DHRS3: variants seen among roughly 807,000 people sequenced by gnomAD.
DHRS3 encodes the protein dehydrogenase/reductase 3.
DHRS3 carries 14 observed loss-of-function variants against 27.2 expected under a neutral mutation model. The ratio of observed to expected loss-of-function variants is 0.52; its 90% CI spans 0.34 to 0.81. DHRS3 has a LOEUF of 0.81. Among genes scored for constraint, DHRS3 ranks in the 30% least tolerant of loss-of-function variants. The probability of loss-of-function intolerance (pLI) is 0.01; values close to 1 mark genes in which losing one functional copy is unlikely to be tolerated. For missense variants in DHRS3, 322 were observed against 406.2 expected, an observed-to-expected ratio of 0.79 and a Z score of 1.78; for synonymous variants, 165 against 175.9, an observed-to-expected ratio of 0.94 and a Z score of 0.49.
chr1:12,594,699 T>C lies in DHRS3; in HGVS notation c.196-14033A>G, dbSNP rs1198135982. Reference sequence around the variant, plus strand: ...TGGTGCAAAGGCCCTGGGGTGGGAATGAGCTTCCCCAGCACGGAGACCAGT... The same window carrying C: ...TGGTGCAAAGGCCCTGGGGTGGGAACGAGCTTCCCCAGCACGGAGACCAGT... On this transcript the variant is annotated intron_variant, in intron 1 of 5. Coordinates refer to ENST00000616661, the MANE Select transcript of DHRS3 (RefSeq NM_004753.7). The surrounding 1 kb of genome is among the most constrained non-coding windows in gnomAD (Gnocchi z 4.1). Among the ~76,000 whole-genome samples, 1 of 151,988 alleles carries C rather than the reference T, an allele frequency of 6.6e-6. No individual in the cohort carries two copies. The highest frequency in any genetic ancestry group is 1.9e-4 in the East Asian group (1 of 5,186).
intron 4 of DHRS3, 132 bp from the exon 5 acceptor site, chr1:12,572,985 T>A: frequency 8.7e-7 from 1 of 1,149,720 alleles, no homozygotes. Flanking sequence ...CTGCTTGGAA[T>A]ACTCCCTCTA....
At chr1:12,568,920 C>T (rs1195629475) in intron 5 of DHRS3, among the ~76,000 whole-genome samples, 1 of 151,932 alleles carries the variant, frequency 6.6e-6, no homozygotes, top group Non-Finnish European at 1.5e-5. Flanking sequence ...GAGCCAGACC[C>T]TGTCTCAAAA....
intron 2 of DHRS3, 191 bp downstream of exon 2, chr1:12,580,332 G>T (rs940260141): frequency 1.4e-6 from 1 of 689,964 alleles, no homozygotes; most frequent in South Asian, 1.6e-5. Flanking sequence ...GATTACGCCT[G>T]TTACGTAATC....
intron 4 of DHRS3, among the ~76,000 whole-genome samples, chr1:12,576,661 A>G (rs963031143): frequency 6.6e-6 from 1 of 151,836 alleles, no homozygotes; most frequent in Non-Finnish European, 1.5e-5. Context: ...AAAAGAAACC[A>G]AACCAAAACC....
At chr1:12,590,264 T>C (rs1465010550) in intron 1 of DHRS3, among the ~76,000 whole-genome samples, 2 of 152,124 alleles carry the variant, frequency 1.3e-5, no homozygotes, top group Admixed American at 1.3e-4. Flanking sequence ...TTCTCCTCAC[T>C]CCTGCCCCAG....
intron 4 of DHRS3, among the ~76,000 whole-genome samples, chr1:12,573,516 T>C (rs1315313070): frequency 6.6e-6 from 1 of 152,228 alleles, no homozygotes; most frequent in Non-Finnish European, 1.5e-5. Flanking sequence ...ATCTGATACA[T>C]AGTATGTGCT....
rs923721780 is a variant in DHRS3, at chr1:12,592,291, G to A, written c.196-11625C>T. Among the ~76,000 whole-genome samples the A allele has an allele frequency of 1.3e-5, 2 of 152,172 alleles. No homozygotes were observed. The highest frequency in any genetic ancestry group is 2.9e-5 in the Non-Finnish European group (2 of 68,030). ...AGCTGAGTCCAAGTCCTAACCCTTG[G>A]TACCTGTGAATGTGACCTTATGCTG... is the stretch of plus-strand genomic sequence containing the variant. On this transcript the variant is annotated intron_variant, in intron 1 of 5. Transcript: ENST00000616661. This position sits in a 1 kb window ranked among gnomAD's most constrained non-coding sequence, Gnocchi z 4.2.
chr1:12,575,669 C>G (rs927894580), intron 4 of DHRS3, among the ~76,000 whole-genome samples: 1 of 152,032 alleles, frequency 6.6e-6, no homozygotes, highest in African/African-American at 2.4e-5. Context: ...CACACAGGAG[C>G]TCATCTAACC....
rs1008649849 is a variant in DHRS3 at position 12,593,437 on chromosome 1, C to T, written c.196-12771G>A. ...CAGGCTGGTCTTGAACTCCTGGCTT[C>T]AAGTGATCCTCCTGCCTCAGTCTCC... On this transcript the variant is annotated intron_variant, in intron 1 of 5. Transcript: ENST00000616661. The surrounding 1 kb of genome is among the most constrained non-coding windows in gnomAD (Gnocchi z 4.6). Among the ~76,000 whole-genome samples the T allele has an allele frequency of 1.8e-4, 27 of 152,088 alleles. No homozygotes were observed. The highest frequency in any genetic ancestry group is 6.3e-4 in the African/African-American group (26 of 41,408).
chr1:12,580,680 A>T lies in DHRS3; in HGVS notation c.196-14T>A. ...CCAGAGAACAATCTGGAAGAAGATA[A>T]TAACAACGCAGAACAAATGGTCATT... On this transcript the variant is annotated splice_polypyrimidine_tract_variant and intron_variant, in intron 1 of 5. Transcript: ENST00000616661. 1 of 1,607,996 alleles carries T rather than the reference A, an allele frequency of 6.2e-7. No individual in the cohort carries two copies. The highest frequency in any genetic ancestry group is 8.5e-7 in the Non-Finnish European group (1 of 1,176,072).
rs983818415 is a variant in DHRS3 at position 12,578,056 on chromosome 1, G to T, written c.698+662C>A. 6.6e-6 allele frequency among the ~76,000 whole-genome samples: 1 copy of T among 152,156 alleles called. No individual in the cohort carries two copies. The highest frequency in any genetic ancestry group is 6.5e-5 in the Admixed American group (1 of 15,272). On this transcript the variant is annotated intron_variant, in intron 4 of 5. Coordinates refer to ENST00000616661, the MANE Select transcript of DHRS3 (RefSeq NM_004753.7). This position sits in a 1 kb window ranked among gnomAD's most constrained non-coding sequence, Gnocchi z 4.5. ...ATTTCCATCACCCTAACCCAGTTTT[G>T]CCTGTTTTGGAACTTCATACAGGTG...
At chr1:12,596,642 G>T (rs1176530173) in intron 1 of DHRS3, among the ~76,000 whole-genome samples, 1 of 152,176 alleles carries the variant, frequency 6.6e-6, no homozygotes, top group Non-Finnish European at 1.5e-5. Context: ...CAGCCTGGTT[G>T]GGGCCTCAAG....
rs116794484 is a variant in DHRS3 at position 12,577,094 on chromosome 1, C to T, written c.698+1624G>A. 1.1e-3 allele frequency among the ~76,000 whole-genome samples: 160 copies of T among 151,998 alleles called. 1 individual carries two copies. The highest frequency in any genetic ancestry group is 1.8e-3 in the Non-Finnish European group (124 of 67,976). ...TGTCTCACTGAATTCTCCTCATGAC[C>T]CTTCCGTGTCATCCTCATTTTTGGA... On this transcript the variant is annotated intron_variant, in intron 4 of 5. Coordinates refer to ENST00000616661, the MANE Select transcript of DHRS3 (RefSeq NM_004753.7).
chr1:12,601,535 C>T (rs556907946), intron 1 of DHRS3, among the ~76,000 whole-genome samples: 1 of 152,106 alleles, frequency 6.6e-6, no homozygotes, highest in African/African-American at 2.4e-5. Context: ...CCAAAGTCAG[C>T]CCTACCCAGG....
chr1:12,586,045 T>G lies in DHRS3; in HGVS notation c.196-5379A>C, dbSNP rs1646694522. Reference sequence around the variant, plus strand: ...TCCCATCTGGGGCAAATGGTGAGCTTCTGTCCCCTTCTCTCTCCCAGTGAC... The same window carrying G: ...TCCCATCTGGGGCAAATGGTGAGCTGCTGTCCCCTTCTCTCTCCCAGTGAC... On this transcript the variant is annotated intron_variant, in intron 1 of 5. Coordinates refer to ENST00000616661, the MANE Select transcript of DHRS3 (RefSeq NM_004753.7). This position sits in a 1 kb window ranked among gnomAD's most constrained non-coding sequence, Gnocchi z 5.0. 6.6e-6 allele frequency among the ~76,000 whole-genome samples: 1 copy of G among 151,788 alleles called. No individual in the cohort carries two copies. Among genetic ancestry groups the G allele is most frequent in the Admixed American group, 6.6e-5 (1 of 15,266 alleles).
chr1:12,613,329 G>T (rs1039250407), intron 1 of DHRS3, among the ~76,000 whole-genome samples: 11 of 152,198 alleles, frequency 7.2e-5, no homozygotes, highest in African/African-American at 2.7e-4. Context: ...TGTCCTAATT[G>T]GTCATGGTAA....
intron 1 of DHRS3, among the ~76,000 whole-genome samples, chr1:12,583,164 C>A (rs972374694): frequency 3.4e-5 from 5 of 148,606 alleles, no homozygotes; most frequent in Admixed American, 6.7e-5. Flanking sequence ...TCACCCACCC[C>A]ACTCCATCCA....
intron 4 of DHRS3, among the ~76,000 whole-genome samples, chr1:12,577,816 C>T (rs1226597932): frequency 6.6e-6 from 1 of 152,160 alleles, no homozygotes. Flanking sequence ...GAGCGAAACT[C>T]CATCTCAATA....
intron 1 of DHRS3, among the ~76,000 whole-genome samples, chr1:12,584,577 A>G (rs920013348): frequency 1.3e-5 from 2 of 151,308 alleles, no homozygotes; most frequent in African/African-American, 4.9e-5. Context: ...TGAATGAATG[A>G]CAGTTCAGGT....
Sources: gnomAD v4.1 joint callset for allele counts (sites outside exome capture counted in the v4.1 genomes callset) on GRCh38, gnomAD v4.1.1 for gene constraint, Gnocchi (gnomAD v3.1) non-coding constraint, MANE v1.5 for transcripts, NCBI Gene and HGNC (gene_info 2026-07-23, HGNC 2026-07-21) for gene names.